Variants in ZNF689 observed in about 807,000 individuals in gnomAD.
ZNF689 encodes the protein short ORF-encoded histone-binding protein.
In ZNF689, 14 loss-of-function variants were observed where a neutral mutation model predicts 37.2. The ratio of observed to expected loss-of-function variants is 0.38; its 90% CI spans 0.25 to 0.59. The LOEUF (loss-of-function observed/expected upper bound fraction) is 0.59, where lower values mean the gene tolerates loss of function less well. ZNF689 is among the 20% of genes least tolerant of loss of function. The pLI is 0.68. For missense variants in ZNF689, 573 were observed against 700.2 expected, an observed-to-expected ratio of 0.82 and a Z score of 2.05; for synonymous variants, 277 against 283.3, an observed-to-expected ratio of 0.98 and a Z score of 0.22.
At chr16:30,606,262 C>T (rs531927002) in intron 2 of ZNF689, among the ~76,000 whole-genome samples, 19 of 152,180 alleles carry the variant, frequency 1.2e-4, no homozygotes, top group African/African-American at 4.6e-4. Flanking sequence ...ATGATGGCAC[C>T]ACTGTACTCC....
intron 2 of ZNF689, among the ~76,000 whole-genome samples, chr16:30,606,253 T>C (rs1043339529): frequency 1.3e-5 from 2 of 152,042 alleles, no homozygotes; most frequent in Non-Finnish European, 2.9e-5. Context: ...CTGTGAACCA[T>C]GATGGCACCA....
In ZNF689 at chr16:30,609,977, C is replaced by T; in HGVS notation, c.65G>A (p.Arg22Lys). 1 of 1,611,360 alleles carries T rather than the reference C, an allele frequency of 6.2e-7. No homozygotes were observed. The highest frequency in any genetic ancestry group is 8.5e-7 in the Non-Finnish European group (1 of 1,179,264). ...GPGKARPSRK[R>K]GRRPRALKFV... ...CTTCAGAGCCCTCGGCCTCCTGCCCCTTTTCCGACTGGGTCTGGCCTTTCC... is the reference window on the plus strand; with the variant it reads ...CTTCAGAGCCCTCGGCCTCCTGCCCTTTTTCCGACTGGGTCTGGCCTTTCC... The change falls in exon 1 of 3, where the codon AGG becomes AAG. Residue 22 changes from arginine (R) to lysine (K), a missense_variant. By Grantham distance (26) the Arg-to-Lys change is conservative. This residue lies in a region of ZNF689 where 252 missense variants were observed against 313.3 expected (regional missense o/e 0.80). Coordinates refer to ENST00000287461, the MANE Select transcript of ZNF689 (RefSeq NM_138447.3).
In ZNF689 at chr16:30,604,987, G is replaced by A; in HGVS notation, c.780C>T (p.Pro260=). ...NHRTTHTGEK[P]HQCPSCGRRF... ...GACGTCCACAGCTAGGGCACTGGTGGGGTTTTTCACCTGTGTGTGTGGTCC... is the reference window on the plus strand; with the variant it reads ...GACGTCCACAGCTAGGGCACTGGTGAGGTTTTTCACCTGTGTGTGTGGTCC... The change falls in exon 3 of 3, where the codon CCC becomes CCT. Residue 260 remains proline (P), a synonymous_variant. Coordinates refer to ENST00000287461, the MANE Select transcript of ZNF689 (RefSeq NM_138447.3). This position sits in a 1 kb window ranked among gnomAD's most constrained non-coding sequence, Gnocchi z 5.2. The A allele has an allele frequency of 6.3e-7, 1 of 1,596,604 alleles. No homozygotes were observed. Among genetic ancestry groups the A allele is most frequent in the Non-Finnish European group, 8.5e-7 (1 of 1,170,024 alleles).
In ZNF689 at chr16:30,604,098, G is replaced by T; in HGVS notation, c.*166C>A. 1.3e-6 allele frequency: 1 copy of T among 784,154 alleles called. No individual in the cohort carries two copies. The highest frequency in any genetic ancestry group is 2.2e-6 in the Non-Finnish European group (1 of 453,646). The allele number at this position is 784,154 out of a possible 1,614,324, so 48.6% of individuals were successfully genotyped here. ...CACCTCTCCTAATGGGACTGTTCCA[G>T]ACACGCACAGGGAGGCAGCCAGCGC... On this transcript the variant is annotated 3_prime_UTR_variant, in exon 3 of 3. Transcript: ENST00000287461. This position sits in a 1 kb window ranked among gnomAD's most constrained non-coding sequence, Gnocchi z 5.2.
rs931754405 is a variant in ZNF689, at chr16:30,604,158, G to A, written c.*106C>T. The A allele has an allele frequency of 8.2e-7, 1 of 1,217,828 alleles. No homozygotes were observed. The highest frequency in any genetic ancestry group is 1.3e-5 in the South Asian group (1 of 77,888). The allele number at this position is 1,217,828 out of a possible 1,614,324, so 75.4% of individuals were successfully genotyped here. On this transcript the variant is annotated 3_prime_UTR_variant, in exon 3 of 3. Transcript: ENST00000287461. The surrounding 1 kb of genome is among the most constrained non-coding windows in gnomAD (Gnocchi z 5.2). The stretch of plus-strand genomic sequence containing the variant: ...TACAAAGTTCAGCTCTGTGCAGCAG[G>A]AGACCCGGGTTTAGTTCTGACTCTG...
At position 30,604,113 on chromosome 16, in the gene ZNF689, G is replaced by T; in HGVS notation, c.*151C>A. On this transcript the variant is annotated 3_prime_UTR_variant, in exon 3 of 3. Coordinates refer to ENST00000287461, the MANE Select transcript of ZNF689 (RefSeq NM_138447.3). This position sits in a 1 kb window ranked among gnomAD's most constrained non-coding sequence, Gnocchi z 5.2. ...GACTGTTCCAGACACGCACAGGGAGGCAGCCAGCGCATTGCAAGATACAAA... is the reference window on the plus strand; with the variant it reads ...GACTGTTCCAGACACGCACAGGGAGTCAGCCAGCGCATTGCAAGATACAAA... The T allele has an allele frequency of 1.2e-6, 1 of 852,882 alleles. No individual in the cohort carries two copies. The highest frequency in any genetic ancestry group is 1.9e-6 in the Non-Finnish European group (1 of 514,266). The allele number at this position is 852,882 out of a possible 1,614,324, so 52.8% of individuals were successfully genotyped here.
rs138494235 is a variant in ZNF689, at chr16:30,604,585, C to T, written c.1182G>A (p.Thr394=). The part of the protein sequence containing the change: ...RSGSLAIHRS[T]HTEEKLHACD... ...AGGCGTGCAGCTTCTCCTCTGTGTG[C>T]GTGCTGCGATGGATGGCCAGGGAGC... Residue 394 remains threonine (T), a synonymous_variant, in exon 3 of 3, where the codon ACG becomes ACA. Transcript: ENST00000287461. This position sits in a 1 kb window ranked among gnomAD's most constrained non-coding sequence, Gnocchi z 5.2. 5.4e-4 allele frequency: 866 copies of T among 1,590,918 alleles called. 2 individuals are homozygous for T. Among genetic ancestry groups the T allele is most frequent in the Admixed American group, 2.3e-3 (129 of 55,416 alleles).
In ZNF689 at chr16:30,604,651, G is replaced by C. The variant is rs115586197; in HGVS notation, c.1116C>G (p.Pro372=). 2.7e-5 allele frequency: 43 copies of C among 1,611,310 alleles called. No homozygotes were observed. The Middle Eastern group carries it at 5.0e-4, about 19-fold the overall frequency. The change falls in exon 3 of 3, where the codon CCC becomes CCG. Residue 372 remains proline (P), a synonymous_variant. Coordinates refer to ENST00000287461, the MANE Select transcript of ZNF689 (RefSeq NM_138447.3). The surrounding 1 kb of genome is among the most constrained non-coding windows in gnomAD (Gnocchi z 5.2). The part of the protein sequence containing the change: ...QHQLLHTGEK[P]YPCPDCGRAF... ...CACGCCCACAGTCTGGGCAGGGGTA[G>C]GGCTTCTCTCCGGTGTGCAAGAGCT... is the stretch of plus-strand genomic sequence containing the variant.
intron 2 of ZNF689, among the ~76,000 whole-genome samples, chr16:30,606,302 C>CA (rs889097292): frequency 6.6e-5 from 10 of 152,026 alleles, no homozygotes; most frequent in Non-Finnish European, 1.3e-4. Context: ...GACCCTATCT[C>CA]AAAAAACAAA....
At position 30,604,488 on chromosome 16, in the gene ZNF689, G is replaced by A. The variant is rs2052013967; in HGVS notation, c.1279C>T (p.Arg427Trp). The change falls in exon 3 of 3, where the codon CGG (arginine) becomes TGG (tryptophan). Residue 427 changes from arginine (R) to tryptophan (W), a missense_variant. This residue lies in a region of ZNF689 where 317 missense variants were observed against 367.1 expected (regional missense o/e 0.86). Coordinates refer to ENST00000287461, the MANE Select transcript of ZNF689 (RefSeq NM_138447.3). This position sits in a 1 kb window ranked among gnomAD's most constrained non-coding sequence, Gnocchi z 5.2. ...ASHRRVHSGE[R>W]PYACDLCSKR... ...GAGCAAAGGTCGCAGGCATAGGGCC[G>A]CTCGCCCGAGTGCACGCGCCGGTGG... The A allele has an allele frequency of 6.2e-7, 1 of 1,602,668 alleles. No homozygotes were observed. The highest frequency in any genetic ancestry group is 8.5e-7 in the Non-Finnish European group (1 of 1,174,862).
At position 30,605,229 on chromosome 16, in the gene ZNF689, G is replaced by C; in HGVS notation, c.538C>G (p.Pro180Ala). ...TAGGAAAAGCGGCGCCCACAGTCTG[G>C]GCAAGGGTAAGGCTTTTTTAGATTC... ...AQNLKKPYPC[P>A]DCGRRFSYPS... Residue 180 changes from proline to alanine, a missense_variant, in exon 3 of 3, where the codon CCA (proline) becomes GCA (alanine). Pro to Ala is a conservative substitution (Grantham distance 27). This residue lies in a region of ZNF689 where 252 missense variants were observed against 313.3 expected (regional missense o/e 0.80). Transcript: ENST00000287461. The surrounding 1 kb of genome is among the most constrained non-coding windows in gnomAD (Gnocchi z 5.1). The C allele has an allele frequency of 6.2e-7, 1 of 1,614,028 alleles. No individual in the cohort carries two copies. The highest frequency in any genetic ancestry group is 8.5e-7 in the Non-Finnish European group (1 of 1,179,922).
chr16:30,606,082 G>A (rs2052033497), intron 2 of ZNF689, among the ~76,000 whole-genome samples: 1 of 151,998 alleles, frequency 6.6e-6, no homozygotes. Flanking sequence ...GAGATCGCTT[G>A]AACCCAGGAG....
In ZNF689 at chr16:30,603,779, G is replaced by A. The variant is rs2052004548; in HGVS notation, c.*485C>T. 1 of 303,252 alleles carries A rather than the reference G, an allele frequency of 3.3e-6. No individual in the cohort carries two copies. Among genetic ancestry groups the A allele is most frequent in the African/African-American group, 2.2e-5 (1 of 45,976 alleles). 18.8% of individuals were successfully genotyped at this position (303,252 alleles called of 1,614,324 possible). A position where few individuals can be genotyped will look rare whatever the true frequency, so the allele number is the denominator to read the frequency against. Reference sequence around the variant, plus strand: ...AATGACCTGCCTTGTGAGGTAGTGAGCTCCCTGTCAAGAGAGATTTTCAAG... The same window carrying A: ...AATGACCTGCCTTGTGAGGTAGTGAACTCCCTGTCAAGAGAGATTTTCAAG... On this transcript the variant is annotated 3_prime_UTR_variant, in exon 3 of 3. Transcript: ENST00000287461.
Position 30,604,640 on chromosome 16 carries a change from G to A in ZNF689, c.1127C>T (p.Pro376Leu). The change falls in exon 3 of 3, where the codon CCA (proline) becomes CTA (leucine). Residue 376 changes from proline (P) to leucine (L), a missense_variant. This residue lies in a region of ZNF689 where 317 missense variants were observed against 367.1 expected (regional missense o/e 0.86). Coordinates refer to ENST00000287461, the MANE Select transcript of ZNF689 (RefSeq NM_138447.3). The surrounding 1 kb of genome is among the most constrained non-coding windows in gnomAD (Gnocchi z 5.2). Reference protein sequence around the residue: ...LHTGEKPYPCPDCGRAFRRSG... With the variant: ...LHTGEKPYPCLDCGRAFRRSG... ...CCGCCGGAAGGCACGCCCACAGTCT[G>A]GGCAGGGGTAGGGCTTCTCTCCGGT... The A allele has an allele frequency of 1.2e-6, 2 of 1,611,576 alleles. No homozygotes were observed. The highest frequency in any genetic ancestry group is 2.2e-5 in the South Asian group (2 of 90,830).
At chr16:30,609,482 T>C in intron 2 of ZNF689, 43 bp downstream of exon 2, 1 of 1,556,080 alleles carries the variant, frequency 6.4e-7, no homozygotes, top group Non-Finnish European at 8.9e-7. Flanking sequence ...AGGTAGAACG[T>C]TATAGGAGGG....
chr16:30,602,745 T>C lies in ZNF689; in HGVS notation c.*1519A>G, dbSNP rs1263628750. The C allele has an allele frequency of 6.6e-6, 1 of 152,134 alleles. No individual in the cohort carries two copies. Among genetic ancestry groups the C allele is most frequent in the African/African-American group, 2.4e-5 (1 of 41,420 alleles). The allele number at this position is 152,134 out of a possible 1,614,324, so 9.4% of individuals were successfully genotyped here. A position where few individuals can be genotyped will look rare whatever the true frequency, so the allele number is the denominator to read the frequency against. ...GCTTGTGCTGAGATCAGGAGAGCTG[T>C]AGGAAGGAGCCACAGGGGTAAAGGA... On this transcript the variant is annotated 3_prime_UTR_variant, in exon 3 of 3. Coordinates refer to ENST00000287461, the MANE Select transcript of ZNF689 (RefSeq NM_138447.3).
At chr16:30,609,267 CAAAAAAA>C (rs77079521) in intron 2 of ZNF689, among the ~76,000 whole-genome samples, 3 of 60,726 alleles carry the variant, frequency 4.9e-5, no homozygotes, top group Non-Finnish European at 6.5e-5. Flanking sequence ...AATGTTTCTA[CAAAAAAA>C]AAAAAAAAAA....
At position 30,603,940 on chromosome 16, in the gene ZNF689, G is replaced by C. The variant is rs2052006475; in HGVS notation, c.*324C>G. 6.6e-6 allele frequency: 3 copies of C among 453,928 alleles called. No homozygotes were observed. Among genetic ancestry groups the C allele is most frequent in the Non-Finnish European group, 1.3e-5 (3 of 236,864 alleles). The allele number at this position is 453,928 out of a possible 1,614,324, so 28.1% of individuals were successfully genotyped here. On this transcript the variant is annotated 3_prime_UTR_variant, in exon 3 of 3. Transcript: ENST00000287461. ...AGATTCTCCTGATTGCATGCAAGAT[G>C]ACAGGTAATCCCTGTGTGGACAGAC... is the stretch of plus-strand genomic sequence containing the variant.
rs1462816759 is a variant in ZNF689, at chr16:30,603,772, G to A, written c.*492C>T. The stretch of plus-strand genomic sequence containing the variant: ...ACAATGAAATGACCTGCCTTGTGAG[G>A]TAGTGAGCTCCCTGTCAAGAGAGAT... On this transcript the variant is annotated 3_prime_UTR_variant, in exon 3 of 3. Transcript: ENST00000287461. 6.7e-6 allele frequency: 2 copies of A among 297,122 alleles called. No homozygotes were observed. Among genetic ancestry groups the A allele is most frequent in the Non-Finnish European group, 1.3e-5 (2 of 150,076 alleles). The allele number at this position is 297,122 out of a possible 1,614,324, so 18.4% of individuals were successfully genotyped here.
Sources: allele counts gnomAD v4.1 joint callset (sites outside exome capture counted in the v4.1 genomes callset), GRCh38; gene constraint gnomAD v4.1.1; regional missense constraint gnomAD v4.1.1; non-coding constraint Gnocchi (gnomAD v3.1); transcripts MANE v1.5; gene names NCBI Gene and HGNC (gene_info 2026-07-23, HGNC 2026-07-21).